Variants in SIPA1L3 observed in about 807,000 individuals in gnomAD.
SIPA1L3 encodes the protein signal induced proliferation associated 1 like 3, also known as signal-induced proliferation-associated 1-like protein 3.
Under a neutral mutation model 150.1 loss-of-function variants are expected in SIPA1L3, and 59 were observed. That is an observed-to-expected ratio of 0.39 (90% CI 0.32 to 0.49). SIPA1L3 has a LOEUF of 0.49. SIPA1L3 is among the 20% of genes least tolerant of loss of function. SIPA1L3 has a pLI of 0.86. For synonymous variants in SIPA1L3, 1,070 were observed against 1,077.6 expected (o/e 0.99, Z 0.14); for missense variants, 2,211 against 2,489.5 (o/e 0.89, Z 2.38).
intron 1 of SIPA1L3, among the ~76,000 whole-genome samples, chr19:37,980,514 G>C (rs909022753): frequency 2.0e-5 from 3 of 152,150 alleles, no homozygotes; most frequent in African/African-American, 7.2e-5. Flanking sequence ...GCATGAGGAA[G>C]AGCATTCTAG....
chr19:38,030,334 C>G (rs1179408793), intron 2 of SIPA1L3, among the ~76,000 whole-genome samples: 1 of 151,854 alleles, frequency 6.6e-6, no homozygotes, highest in African/African-American at 2.4e-5. Flanking sequence ...GGCTGAGGCT[C>G]GAGGATCGAT....
chr19:38,158,486 G>C (rs545711372), intron 13 of SIPA1L3, among the ~76,000 whole-genome samples: 1 of 152,100 alleles, frequency 6.6e-6, no homozygotes, highest in Non-Finnish European at 1.5e-5. Context: ...ACGGGGAGGC[G>C]GTTGTCCTGT....
rs58373634 is a variant in SIPA1L3, at chr19:38,066,813, A to G, written c.-310-14443A>G. On this transcript the variant is annotated intron_variant, in intron 2 of 21. Coordinates refer to ENST00000222345, the MANE Select transcript of SIPA1L3 (RefSeq NM_015073.3). Reference sequence around the variant, plus strand: ...TGCACTCCAGCCTGGGCGACAGAGCAAGATTCCATCTCAAAAAAGTAAAAA... The same window carrying G: ...TGCACTCCAGCCTGGGCGACAGAGCGAGATTCCATCTCAAAAAAGTAAAAA... 8.7e-3 allele frequency among the ~76,000 whole-genome samples: 1,316 copies of G among 152,130 alleles called. 24 individuals carry two copies. The highest frequency in any genetic ancestry group is 0.03 in the African/African-American group (1,261 of 41,438).
At chr19:37,910,968 G>C in intron 1 of SIPA1L3, among the ~76,000 whole-genome samples, 1 of 152,102 alleles carries the variant, frequency 6.6e-6, no homozygotes, top group East Asian at 1.9e-4. Context: ...TGATTGGGTT[G>C]AATTTAGCTT....
chr19:37,978,418 G>T (rs1315398738), intron 1 of SIPA1L3, among the ~76,000 whole-genome samples: 1 of 152,182 alleles, frequency 6.6e-6, no homozygotes, highest in Middle Eastern at 3.2e-3. Context: ...AGGTGCCTGA[G>T]CTGTGCAAAG....
At chr19:37,953,141 G>A (rs1343329499) in intron 1 of SIPA1L3, among the ~76,000 whole-genome samples, 1 of 152,180 alleles carries the variant, frequency 6.6e-6, no homozygotes, top group South Asian at 2.1e-4. Context: ...GGAGAATGGC[G>A]TGAACCCGCA....
At chr19:38,187,468 G>A (rs1489112710) in intron 16 of SIPA1L3, among the ~76,000 whole-genome samples, 10 of 149,018 alleles carry the variant, frequency 6.7e-5, no homozygotes, top group Non-Finnish European at 1.5e-5. Context: ...AAAGACAAAA[G>A]GCACTTTGGG....
At chr19:37,991,463 A>G (rs1367483521) in intron 1 of SIPA1L3, among the ~76,000 whole-genome samples, 8 of 152,158 alleles carry the variant, frequency 5.3e-5, no homozygotes, top group African/African-American at 1.4e-4. Context: ...TCTGGGAAGA[A>G]CTACCTCCCC....
intron 1 of SIPA1L3, among the ~76,000 whole-genome samples, chr19:37,938,823 A>G (rs951787864): frequency 4.6e-5 from 7 of 152,022 alleles, no homozygotes; most frequent in Non-Finnish European, 1.0e-4. Context: ...GGATTTCATC[A>G]TGTTGGCCAG....
At chr19:38,163,017 T>C (rs1972127825) in intron 14 of SIPA1L3, among the ~76,000 whole-genome samples, 1 of 152,168 alleles carries the variant, frequency 6.6e-6, no homozygotes, top group African/African-American at 2.4e-5. Flanking sequence ...GGAGATGGTT[T>C]GCAGGGGCTC....
chr19:38,169,655 AAC>A (rs1284146742), intron 15 of SIPA1L3, among the ~76,000 whole-genome samples: 2 of 152,208 alleles, frequency 1.3e-5, no homozygotes, highest in Non-Finnish European at 2.9e-5. Flanking sequence ...GTATTTGAAA[AAC>A]ACACAGAAAT....
In SIPA1L3 at chr19:38,069,831, A is replaced by ATT. The variant is rs143984654; in HGVS notation, c.-310-11410_-310-11409dup. Among the ~76,000 whole-genome samples the ATT allele has an allele frequency of 1.4e-3, 193 of 136,320 alleles. 1 individual carries two copies. The highest frequency in any genetic ancestry group is 0.011 in the South Asian group (45 of 4,202). The allele number at this position is 136,320 out of a possible 152,430, so 89.4% of individuals were successfully genotyped here. A position where few individuals can be genotyped will look rare whatever the true frequency, so the allele number is the denominator to read the frequency against. ...AGGCACGCGCCACTATACCTGGTTAATTTTTTTTTTTTTTTTGTATTTTTA... is the reference window on the plus strand; with the variant it reads ...AGGCACGCGCCACTATACCTGGTTAATTTTTTTTTTTTTTTTTTGTATTTTTA... On this transcript the variant is annotated intron_variant, in intron 2 of 21. Transcript: ENST00000222345.
chr19:38,202,733 T>C (rs1274251240), intron 20 of SIPA1L3, among the ~76,000 whole-genome samples: 2 of 152,192 alleles, frequency 1.3e-5, no homozygotes, highest in Non-Finnish European at 2.9e-5. Flanking sequence ...CCTCACAGAC[T>C]TCTGCCTCAC....
At chr19:38,088,008 A>G (rs1970173364) in intron 3 of SIPA1L3, among the ~76,000 whole-genome samples, 1 of 150,876 alleles carries the variant, frequency 6.6e-6, no homozygotes, top group African/African-American at 2.5e-5. Context: ...ACAGTCTCAA[A>G]AAGAAAAAAA....
At chr19:38,084,095 G>T (rs1333924776) in intron 3 of SIPA1L3, among the ~76,000 whole-genome samples, 1 of 151,452 alleles carries the variant, frequency 6.6e-6, no homozygotes, top group Non-Finnish European at 1.5e-5. Flanking sequence ...GAGTTCAGCA[G>T]CCCAGGGCTG....
intron 1 of SIPA1L3, among the ~76,000 whole-genome samples, chr19:37,945,769 A>G (rs1479621393): frequency 6.6e-6 from 1 of 152,170 alleles, no homozygotes; most frequent in East Asian, 1.9e-4. Flanking sequence ...GGAACTCTGA[A>G]CATCTCACAC....
At position 37,939,840 on chromosome 19, in the gene SIPA1L3, G is replaced by A. The variant is rs552097903; in HGVS notation, c.-379+32482G>A. 9.8e-5 allele frequency among the ~76,000 whole-genome samples: 15 copies of A among 152,304 alleles called. No individual in the cohort carries two copies. The South Asian group carries it at 1.0e-3, about 11-fold the overall frequency. On this transcript the variant is annotated intron_variant, in intron 1 of 21. Coordinates refer to ENST00000222345, the MANE Select transcript of SIPA1L3 (RefSeq NM_015073.3). ...AGACTCAATATTGGAGTAGGCAGCC[G>A]GTAATGTCACTAGTTCTGAGGTGTT...
chr19:38,141,825 T>C (rs941447558), intron 11 of SIPA1L3, among the ~76,000 whole-genome samples: 1 of 152,010 alleles, frequency 6.6e-6, no homozygotes, highest in African/African-American at 2.4e-5. Context: ...ATAAAAAACA[T>C]TTATTAAAAA....
intron 1 of SIPA1L3, among the ~76,000 whole-genome samples, chr19:37,930,302 G>A (rs1599805984): frequency 6.6e-6 from 1 of 151,900 alleles, no homozygotes; most frequent in African/African-American, 2.4e-5. Flanking sequence ...GTGAGCCACC[G>A]TGCCCAGCCC....
Sources: gnomAD v4.1 joint callset for allele counts (sites outside exome capture counted in the v4.1 genomes callset) on GRCh38, gnomAD v4.1.1 for gene constraint, MANE v1.5 for transcripts, NCBI Gene and HGNC (gene_info 2026-07-23, HGNC 2026-07-21) for gene names.